The following ITPK1 variants were observed in gnomAD, a reference collection of about 807,000 sequenced individuals.
ITPK1 encodes inositol 1,3,4-trisphosphate 5/6-kinase.
In ITPK1, 21 loss-of-function variants were observed where a neutral mutation model predicts 45.3. The observed-to-expected ratio is 0.46, with a 90% CI of 0.33 to 0.67. The LOEUF (loss-of-function observed/expected upper bound fraction) is 0.67, where lower values mean the gene tolerates loss of function less well. Among genes scored for constraint, ITPK1 ranks in the 30% least tolerant of loss-of-function variants. The pLI is 0.02. For missense variants in ITPK1, 474 were observed against 573.5 expected (o/e 0.83, Z 1.77); for synonymous variants, 258 against 253.6 (o/e 1.02, Z -0.16).
chr14:93,046,102 A>T (rs1028880122), intron 3 of ITPK1, among the ~76,000 whole-genome samples: 7 of 152,114 alleles, frequency 4.6e-5, no homozygotes. Flanking sequence ...CAAACCTCCC[A>T]GTGTGGTCTG....
rs1566733884 is a variant in ITPK1, at chr14:93,012,285, G to A, written c.246+4391C>T. 1.3e-5 allele frequency among the ~76,000 whole-genome samples: 2 copies of A among 152,258 alleles called. No homozygotes were observed. The highest frequency in any genetic ancestry group is 2.9e-5 in the Non-Finnish European group (2 of 68,046). On this transcript the variant is annotated intron_variant, in intron 4 of 10. Coordinates refer to ENST00000267615, the MANE Select transcript of ITPK1 (RefSeq NM_014216.6). This position sits in a 1 kb window ranked among gnomAD's most constrained non-coding sequence, Gnocchi z 4.9. ...TTACGAACTTCCGAAGGGCATGAAG[G>A]AAAAGTGCAAAGTTGGCAGGGCCTG...
chr14:93,082,048 G>A (rs1891456779), intron 2 of ITPK1, among the ~76,000 whole-genome samples: 1 of 152,026 alleles, frequency 6.6e-6, no homozygotes, highest in Admixed American at 6.5e-5. Context: ...TGGGTATGGG[G>A]ACAGCTGCTT....
chr14:93,077,188 C>T (rs1201024299), intron 2 of ITPK1, among the ~76,000 whole-genome samples: 1 of 152,228 alleles, frequency 6.6e-6, no homozygotes, highest in Non-Finnish European at 1.5e-5. Flanking sequence ...ATCTTCCCCG[C>T]TCACATGCAG....
chr14:93,066,184 C>T (rs890660903), intron 3 of ITPK1: 1 of 452,728 alleles, frequency 2.2e-6, no homozygotes, highest in Non-Finnish European at 4.4e-6. Flanking sequence ...AATTCACTCA[C>T]CCAGTAGACA....
At chr14:93,100,155 TG>T (rs1892251269) in intron 2 of ITPK1, among the ~76,000 whole-genome samples, 1 of 152,200 alleles carries the variant, frequency 6.6e-6, no homozygotes, top group South Asian at 2.1e-4. Context: ...CCCCAGAGAC[TG>T]GTTCAGAGAC....
chr14:92,945,540 C>T (rs562498354), intron 10 of ITPK1, among the ~76,000 whole-genome samples: 3 of 152,240 alleles, frequency 2.0e-5, no homozygotes, highest in Admixed American at 6.5e-5. Flanking sequence ...GAACGGGGGA[C>T]CCCCATCTGG....
intron 4 of ITPK1, among the ~76,000 whole-genome samples, chr14:92,995,763 T>A (rs1448258512): frequency 2.0e-5 from 3 of 152,244 alleles, no homozygotes; most frequent in Non-Finnish European, 4.4e-5. Context: ...AACCAGGCAC[T>A]GATGCGGGAG....
intron 2 of ITPK1, among the ~76,000 whole-genome samples, chr14:93,108,106 A>T (rs1208783291): frequency 2.0e-5 from 3 of 152,146 alleles, no homozygotes; most frequent in Admixed American, 6.5e-5. Flanking sequence ...TCTCCAGAGC[A>T]AGGCCACACA....
At chr14:93,081,204 G>A (rs1042705620) in intron 2 of ITPK1, among the ~76,000 whole-genome samples, 1 of 151,644 alleles carries the variant, frequency 6.6e-6, no homozygotes, top group Non-Finnish European at 1.5e-5. Context: ...CATAACAGCA[G>A]GTGCCTGTAA....
intron 3 of ITPK1, among the ~76,000 whole-genome samples, chr14:93,043,740 G>A (rs572528638): frequency 1.4e-4 from 21 of 152,310 alleles, no homozygotes; most frequent in African/African-American, 4.8e-4. Flanking sequence ...TGTTCCAAGC[G>A]CACGTCATGC....
intron 5 of ITPK1, among the ~76,000 whole-genome samples, chr14:92,987,638 C>T (rs1290441467): frequency 6.6e-6 from 1 of 152,126 alleles, no homozygotes. Flanking sequence ...ACATGGAGCT[C>T]AGCTTGAAGA....
intron 2 of ITPK1, among the ~76,000 whole-genome samples, chr14:93,080,010 C>T (rs1891376446): frequency 6.6e-6 from 1 of 152,200 alleles, no homozygotes; most frequent in Admixed American, 6.5e-5. Flanking sequence ...ATTAAACTTC[C>T]CCCAAGAGGG....
At chr14:93,011,189 G>C (rs560658862) in intron 4 of ITPK1, among the ~76,000 whole-genome samples, 87 of 152,332 alleles carry the variant, frequency 5.7e-4, no homozygotes, top group African/African-American at 1.9e-3. Flanking sequence ...AAGCCTCACT[G>C]CCTTCTCATC....
At chr14:93,049,565 G>A (rs1230884774) in intron 3 of ITPK1, among the ~76,000 whole-genome samples, 1 of 152,172 alleles carries the variant, frequency 6.6e-6, no homozygotes, top group Non-Finnish European at 1.5e-5. Context: ...TTAACCTAAA[G>A]ACAATGAAAG....
At chr14:93,107,050 C>T (rs144865486) in intron 2 of ITPK1, among the ~76,000 whole-genome samples, 2 of 152,204 alleles carry the variant, frequency 1.3e-5, no homozygotes, top group Admixed American at 1.3e-4. Flanking sequence ...CTCCACCTCC[C>T]GAGCTCAAGC....
chr14:93,075,800 G>A (rs995747483), intron 3 of ITPK1, among the ~76,000 whole-genome samples: 1 of 152,174 alleles, frequency 6.6e-6, no homozygotes, highest in African/African-American at 2.4e-5. Context: ...CCTCTCTGCA[G>A]CTACAGGCAG....
chr14:92,974,640 G>A (rs4905019), intron 5 of ITPK1, among the ~76,000 whole-genome samples: 2,764 of 152,324 alleles, frequency 0.018, 72 homozygotes, highest in Admixed American at 0.08. Flanking sequence ...CATGGGCATC[G>A]GGCGTAAGGA....
Position 92,989,948 on chromosome 14 carries a change from G to C in ITPK1, c.364+3932C>G, listed in dbSNP as rs1039547607. ...AGAGGGGACTGCTGCTGAGGTCACA[G>C]GCCGAGGCCAAACCCCCAGCCAGAG... On this transcript the variant is annotated intron_variant, in intron 5 of 10. Transcript: ENST00000267615. 1.6e-4 allele frequency among the ~76,000 whole-genome samples: 25 copies of C among 152,164 alleles called. 1 individual carries two copies. Among genetic ancestry groups the C allele is most frequent in the Non-Finnish European group, 3.7e-4 (25 of 68,022 alleles).
At chr14:93,085,798 A>G (rs1165692555) in intron 2 of ITPK1, among the ~76,000 whole-genome samples, 1 of 152,180 alleles carries the variant, frequency 6.6e-6, no homozygotes. Context: ...TTTAGTGTGG[A>G]AATTCTCGAC....
Sources: gnomAD v4.1 joint callset for allele counts (sites outside exome capture counted in the v4.1 genomes callset) on GRCh38, gnomAD v4.1.1 for gene constraint, Gnocchi (gnomAD v3.1) non-coding constraint, MANE v1.5 for transcripts, NCBI Gene and HGNC (gene_info 2026-07-23, HGNC 2026-07-21) for gene names.